Variants in YEATS4 observed in about 807,000 individuals in gnomAD.
The protein encoded by YEATS4 is YEATS domain-containing protein 4.
Under a neutral mutation model 30.1 loss-of-function variants are expected in YEATS4, and 17 were observed. The ratio of observed to expected loss-of-function variants is 0.56; its 90% CI spans 0.39 to 0.85. The LOEUF (loss-of-function observed/expected upper bound fraction) is 0.85. YEATS4 is among the 40% of genes least tolerant of loss of function. YEATS4 has a pLI of 0.00. For synonymous variants in YEATS4, 85 were observed against 87.5 expected, an observed-to-expected ratio of 0.97 and a Z score of 0.16; for missense variants, 142 against 268.3, an observed-to-expected ratio of 0.53 and a Z score of 3.29.
chr12:69,389,610 TTCAAGTGATTC>T (rs113674858), intron 6 of YEATS4, among the ~76,000 whole-genome samples: 32,098 of 139,620 alleles, frequency 0.23, 4,045 homozygotes, highest in African/African-American at 0.37. Context: ...GCCTCCCAAG[TTCAAGTGATTC>T]TCATGCCTCA....
chr12:69,396,902 A>C, the YEATS4 span, among the ~76,000 whole-genome samples: 1 of 152,134 alleles, frequency 6.6e-6, no homozygotes, highest in Non-Finnish European at 1.5e-5. Context: ...TCCAATTTAT[A>C]CTATATACTA....
chr12:69,400,396 TTG>T, the YEATS4 span, among the ~76,000 whole-genome samples: 1 of 152,102 alleles, frequency 6.6e-6, no homozygotes, highest in African/African-American at 2.4e-5. Flanking sequence ...GAAATATTTA[TTG>T]TGTGTATATA....
the YEATS4 span, among the ~76,000 whole-genome samples, chr12:69,402,563 C>T: frequency 1.3e-3 from 196 of 152,068 alleles, 2 homozygotes; most frequent in East Asian, 0.014. Flanking sequence ...TGGTCTCTGT[C>T]GTAGATCCTA....
At chr12:69,371,066 A>G in intron 6 of YEATS4, 91 bp downstream of exon 6, 1 of 1,294,416 alleles carries the variant, frequency 7.7e-7, no homozygotes, top group South Asian at 1.5e-5. Context: ...CTTTAAAAAA[A>G]TGAAATAGGT....
chr12:69,382,130 CATT>C (rs1876102754), intron 6 of YEATS4, among the ~76,000 whole-genome samples: 1 of 152,198 alleles, frequency 6.6e-6, no homozygotes, highest in South Asian at 2.1e-4. Flanking sequence ...TAATCAGTCT[CATT>C]ATAGGAATAG....
chr12:69,409,007 CTT>C, the YEATS4 span, among the ~76,000 whole-genome samples: 1 of 152,192 alleles, frequency 6.6e-6, no homozygotes, highest in African/African-American at 2.4e-5. Context: ...TCGGTTTTCT[CTT>C]GTTTACAATC....
intron 6 of YEATS4, among the ~76,000 whole-genome samples, chr12:69,388,200 A>G (rs1313814306): frequency 2.6e-5 from 4 of 152,196 alleles, no homozygotes; most frequent in Admixed American, 2.6e-4. Flanking sequence ...AGCTGGGACT[A>G]CAAGTGCTCG....
chr12:69,367,226 A>T (rs1487292003), intron 4 of YEATS4, among the ~76,000 whole-genome samples: 1 of 152,076 alleles, frequency 6.6e-6, no homozygotes, highest in Admixed American at 6.6e-5. Flanking sequence ...TACTATTCCT[A>T]CCTTAGTTTT....
intron 6 of YEATS4, among the ~76,000 whole-genome samples, chr12:69,384,675 C>T (rs1876204966): frequency 6.6e-6 from 1 of 152,042 alleles, no homozygotes; most frequent in African/African-American, 2.4e-5. Context: ...GCTATCCTGG[C>T]TAGGAAGGAC....
intron 6 of YEATS4, among the ~76,000 whole-genome samples, chr12:69,372,537 G>GTTTTTTTTTTTTT (rs71094710): frequency 4.9e-5 from 6 of 123,032 alleles, no homozygotes; most frequent in South Asian, 2.8e-4. Context: ...TATCTCATGA[G>GTTTTTTTTTTTTT]TTTTTTTTTT....
intron 6 of YEATS4, among the ~76,000 whole-genome samples, chr12:69,374,959 G>A (rs535182594): frequency 1.1e-4 from 17 of 149,870 alleles, no homozygotes; most frequent in Middle Eastern, 3.6e-3. Flanking sequence ...GGGTGGCCGG[G>A]CAGGGGCGCC....
the YEATS4 span, among the ~76,000 whole-genome samples, chr12:69,405,337 CAAT>C: frequency 6.6e-6 from 1 of 152,158 alleles, no homozygotes; most frequent in African/African-American, 2.4e-5. Flanking sequence ...AGATTAACGA[CAAT>C]AACTAATAAT....
chr12:69,419,619 T>C, the YEATS4 span, among the ~76,000 whole-genome samples: 1 of 152,160 alleles, frequency 6.6e-6, no homozygotes. Context: ...GGCCCCGGCT[T>C]AGTACCTGCC....
downstream of YEATS4, among the ~76,000 whole-genome samples, chr12:69,394,935 AC>A (rs1247055060): frequency 1.3e-5 from 2 of 152,156 alleles, no homozygotes; most frequent in Non-Finnish European, 2.9e-5. Flanking sequence ...AACATACTAT[AC>A]TTTTATTTGC....
the YEATS4 span, among the ~76,000 whole-genome samples, chr12:69,398,650 TA>T: frequency 6.6e-6 from 1 of 150,694 alleles, no homozygotes; most frequent in Admixed American, 6.6e-5. Flanking sequence ...CTGTCTCTAC[TA>T]AAAAAATATA....
the YEATS4 span, among the ~76,000 whole-genome samples, chr12:69,418,461 ATTGT>A: frequency 6.6e-6 from 1 of 152,020 alleles, no homozygotes; most frequent in Non-Finnish European, 1.5e-5. Context: ...CAAAAAAAAC[ATTGT>A]TTATTGGTTT....
At chr12:69,384,421 T>C (rs1380962525) in intron 6 of YEATS4, among the ~76,000 whole-genome samples, 1 of 152,212 alleles carries the variant, frequency 6.6e-6, no homozygotes, top group African/African-American at 2.4e-5. Flanking sequence ...CTTGGGAAGT[T>C]TTTATCAATA....
At chr12:69,363,813 C>G (rs1008729663) in intron 2 of YEATS4, among the ~76,000 whole-genome samples, 2 of 152,088 alleles carry the variant, frequency 1.3e-5, no homozygotes, top group Non-Finnish European at 2.9e-5. Flanking sequence ...ATTTGTCTAT[C>G]AACTGATGAA....
intron 6 of YEATS4, among the ~76,000 whole-genome samples, chr12:69,385,590 C>G (rs1033992388): frequency 2.0e-5 from 3 of 152,176 alleles, no homozygotes; most frequent in Non-Finnish European, 1.5e-5. Flanking sequence ...CAGGGTCACA[C>G]AGCTAGTTAG....
Sources: gnomAD v4.1 joint callset for allele counts (sites outside exome capture counted in the v4.1 genomes callset) on GRCh38, gnomAD v4.1.1 for gene constraint, MANE v1.5 for transcripts, NCBI Gene and HGNC (gene_info 2026-07-23, HGNC 2026-07-21) for gene names.